Variants in DNAI3 observed in about 807,000 individuals in gnomAD.
DNAI3 encodes the protein WD repeat domain 63.
A neutral mutation model predicts 115.5 loss-of-function variants in DNAI3; 83 were observed. The observed-to-expected ratio is 0.72, with a 90% CI of 0.60 to 0.86. The LOEUF (loss-of-function observed/expected upper bound fraction) is 0.86. Ranked by LOEUF, DNAI3 falls within the 40% of genes least tolerant of loss-of-function variation. The pLI is 0.00. For synonymous variants in DNAI3, 320 were observed against 347.0 expected (o/e 0.92, Z 0.86); for missense variants, 1,004 against 1,075.8 (o/e 0.93, Z 0.93).
chr1:85,127,691 C>T (rs1370217987), intron 20 of DNAI3, among the ~76,000 whole-genome samples: 1 of 152,158 alleles, frequency 6.6e-6, no homozygotes, highest in African/African-American at 2.4e-5. Flanking sequence ...TATGTGCCAC[C>T]CAAGTATCTT....
At chr1:85,101,338 G>A (rs965895183) in intron 13 of DNAI3, among the ~76,000 whole-genome samples, 17 of 152,002 alleles carry the variant, frequency 1.1e-4, no homozygotes, top group Non-Finnish European at 4.4e-5. Flanking sequence ...ATATAATAAT[G>A]GGAGTTGTAA....
At chr1:85,090,334 A>G (rs1654935481) in intron 8 of DNAI3, 102 bp downstream of exon 8, 1 of 552,530 alleles carries the variant, frequency 1.8e-6, no homozygotes, top group Non-Finnish European at 3.0e-6. Flanking sequence ...GTATCTAGAT[A>G]AAAAGTATGA....
chr1:85,124,489 T>C (rs1292597225), intron 19 of DNAI3, among the ~76,000 whole-genome samples: 3 of 152,208 alleles, frequency 2.0e-5, no homozygotes, highest in African/African-American at 4.8e-5. Flanking sequence ...TCTCTGAAAC[T>C]TAACAGTCTT....
At chr1:85,125,016 T>C (rs1656092251) in intron 19 of DNAI3, among the ~76,000 whole-genome samples, 1 of 152,050 alleles carries the variant, frequency 6.6e-6, no homozygotes, top group Non-Finnish European at 1.5e-5. Context: ...TCCAGGGACA[T>C]ACAGTAGTTA....
At position 85,097,620 on chromosome 1, in the gene DNAI3, G is replaced by T. The variant is rs1253105530; in HGVS notation, c.1315G>T (p.Ala439Ser). The T allele has an allele frequency of 6.2e-7, 1 of 1,612,672 alleles. No homozygotes were observed. The highest frequency in any genetic ancestry group is 1.3e-5 in the African/African-American group (1 of 74,854). ...AHADRIENIK[A>S]GGSRSKRATL... ...TGCAGATCGCATAGAAAACATTAAG[G>T]CAGGTGGTAGTAGAAGTAAAAGAGC... Residue 439 changes from alanine to serine, a missense_variant, in exon 12 of 23, where the codon GCA becomes TCA. Ala to Ser is a moderately conservative substitution (Grantham distance 99). This residue lies in a region of DNAI3 where 550 missense variants were observed against 568.1 expected (regional missense o/e 0.97). Transcript: ENST00000294664.
At chr1:85,067,383 G>A (rs745883281) in intron 1 of DNAI3, among the ~76,000 whole-genome samples, 1 of 152,130 alleles carries the variant, frequency 6.6e-6, no homozygotes, top group Non-Finnish European at 1.5e-5. Context: ...CAATTTTGGT[G>A]CCTAATTTAT....
Position 85,082,155 on chromosome 1 carries a change from G to A in DNAI3, c.286-145G>A, listed in dbSNP as rs1225622562. ...TTTTTAAAGTTAATAAAATAATTTTGCAATTTGGTGTTATCAGCCATAGAT... is the reference window on the plus strand; with the variant it reads ...TTTTTAAAGTTAATAAAATAATTTTACAATTTGGTGTTATCAGCCATAGAT... On this transcript the variant is annotated intron_variant, in intron 4 of 22. Coordinates refer to ENST00000294664, the MANE Select transcript of DNAI3 (RefSeq NM_145172.5). 4.9e-6 allele frequency: 3 copies of A among 617,732 alleles called. No homozygotes were observed. The East Asian group carries it at 8.6e-5, about 18-fold the overall frequency. The allele number at this position is 617,732 out of a possible 1,614,324, so 38.3% of individuals were successfully genotyped here. A position where few individuals can be genotyped will look rare whatever the true frequency, so the allele number is the denominator to read the frequency against.
At chr1:85,088,838 T>G (rs956131113) in intron 7 of DNAI3, among the ~76,000 whole-genome samples, 2 of 147,316 alleles carry the variant, frequency 1.4e-5, no homozygotes, top group Non-Finnish European at 3.0e-5. Flanking sequence ...TATCATTTTG[T>G]TTTTTTTTTA....
intron 13 of DNAI3, among the ~76,000 whole-genome samples, chr1:85,101,575 A>G (rs901250443): frequency 1.3e-5 from 2 of 151,902 alleles, no homozygotes; most frequent in African/African-American, 4.8e-5. Context: ...TTACAAAAAC[A>G]AAATTAGCCG....
chr1:85,080,675 C>A lies in DNAI3; in HGVS notation c.104-559C>A, dbSNP rs376479603. On this transcript the variant is annotated intron_variant, in intron 3 of 22. Transcript: ENST00000294664. Reference sequence around the variant, plus strand: ...CTGAAAGCCTAAACAAGTGGTCATACCTTCCAACAAATAATTTCACTTTTT... The same window carrying A: ...CTGAAAGCCTAAACAAGTGGTCATAACTTCCAACAAATAATTTCACTTTTT... Among the ~76,000 whole-genome samples, 7 of 152,108 alleles carry A rather than the reference C, an allele frequency of 4.6e-5. No homozygotes were observed. In the East Asian group the frequency reaches 1.4e-3, roughly 29 times the overall value.
chr1:85,100,120 AT>A (rs1043963171), intron 13 of DNAI3, among the ~76,000 whole-genome samples: 8 of 152,352 alleles, frequency 5.3e-5, no homozygotes, highest in African/African-American at 1.9e-4. Context: ...AAATTGACAA[AT>A]GGGATCTAAT....
intron 7 of DNAI3, among the ~76,000 whole-genome samples, chr1:85,086,813 G>A (rs1458166252): frequency 2.0e-5 from 3 of 151,854 alleles, no homozygotes; most frequent in African/African-American, 7.3e-5. Flanking sequence ...CCTGCATTCA[G>A]TTCTCCATAG....
At chr1:85,096,899 G>C (rs936039081) in intron 11 of DNAI3, among the ~76,000 whole-genome samples, 1 of 152,000 alleles carries the variant, frequency 6.6e-6, no homozygotes, top group Non-Finnish European at 1.5e-5. Context: ...ATCCCGAAAT[G>C]CCTTTTTCAC....
At chr1:85,083,188 T>C (rs558128884) in intron 5 of DNAI3, among the ~76,000 whole-genome samples, 39 of 152,266 alleles carry the variant, frequency 2.6e-4, no homozygotes, top group African/African-American at 8.9e-4. Flanking sequence ...AGGGAAACCA[T>C]ATAATTAAAA....
At position 85,128,749 on chromosome 1, in the gene DNAI3, C is replaced by T. The variant is rs1357117850; in HGVS notation, c.2359C>T (p.Leu787=). The change falls in exon 21 of 23, where the codon CTG becomes TTG. Residue 787 remains leucine, a synonymous_variant. Coordinates refer to ENST00000294664, the MANE Select transcript of DNAI3 (RefSeq NM_145172.5). ...AGCCACAGCTGATTATTATGGAACA[C>T]TGCATATATTAGAAATTCCTTGGAC... The part of the protein sequence containing the change: ...FIATADYYGT[L]HILEIPWTLS... The T allele has an allele frequency of 8.1e-6, 13 of 1,612,840 alleles. No homozygotes were observed. The highest frequency in any genetic ancestry group is 1.1e-5 in the Non-Finnish European group (13 of 1,179,754).
At position 85,094,955 on chromosome 1, in the gene DNAI3, C is replaced by T. The variant is rs554792099; in HGVS notation, c.1173+400C>T. Among the ~76,000 whole-genome samples, 13 of 152,278 alleles carry T rather than the reference C, an allele frequency of 8.5e-5. No homozygotes were observed. In the South Asian group the frequency reaches 1.7e-3, roughly 19 times the overall value. ...GAGCACTGGGGAGTGGTAGGGACTG[C>T]GGCCTTGGAGAGTGCATTATCCATC... On this transcript the variant is annotated intron_variant, in intron 10 of 22. Transcript: ENST00000294664.
chr1:85,105,918 G>A (rs940414221), intron 14 of DNAI3, among the ~76,000 whole-genome samples: 1 of 152,192 alleles, frequency 6.6e-6, no homozygotes, highest in Non-Finnish European at 1.5e-5. Flanking sequence ...CAACCTGACT[G>A]CATGTAATGG....
rs546366652 is a variant in DNAI3 at position 85,066,519 on chromosome 1, G to C, written c.-15+4033G>C. Among the ~76,000 whole-genome samples, 36 of 151,794 alleles carry C rather than the reference G, an allele frequency of 2.4e-4. No individual in the cohort carries two copies. In the South Asian group the frequency reaches 7.5e-3, roughly 32 times the overall value. ...TTTTTTTGTATTTTTAATAGAGACG[G>C]GGGTTTCACTGTGTTAGCCAGGATG... On this transcript the variant is annotated intron_variant, in intron 1 of 22. Transcript: ENST00000294664.
Position 85,081,323 on chromosome 1 carries a change from C to A in DNAI3, c.193C>A (p.Pro65Thr). Residue 65 changes from proline (P) to threonine (T), a missense_variant, in exon 4 of 23, where the codon CCT becomes ACT. This residue lies in a region of DNAI3 where 550 missense variants were observed against 568.1 expected (regional missense o/e 0.97). Transcript: ENST00000294664. ...RIDEDVTDEQ[P>T]YKLINKEDIF... The stretch of plus-strand genomic sequence containing the variant: ...AGATGAAGATGTCACAGATGAACAA[C>A]CTTATAAGCTTATCAATAAAGAAGA... 1 of 1,606,372 alleles carries A rather than the reference C, an allele frequency of 6.2e-7. No individual in the cohort carries two copies. Among genetic ancestry groups the A allele is most frequent in the Non-Finnish European group, 8.5e-7 (1 of 1,177,458 alleles).
Sources: gnomAD v4.1 joint callset for allele counts (sites outside exome capture counted in the v4.1 genomes callset) on GRCh38, gnomAD v4.1.1 for gene constraint, gnomAD v4.1.1 regional missense constraint, MANE v1.5 for transcripts, NCBI Gene and HGNC (gene_info 2026-07-23, HGNC 2026-07-21) for gene names.